The following ZFYVE9 variants were observed in gnomAD, a reference collection of about 807,000 sequenced individuals.
The protein encoded by ZFYVE9 is zinc finger FYVE-type containing 9, also known as zinc finger FYVE domain-containing protein 9.
In ZFYVE9, 43 loss-of-function variants were observed where a neutral mutation model predicts 126.7. The observed-to-expected ratio is 0.34, with a 90% CI of 0.27 to 0.44. The LOEUF (loss-of-function observed/expected upper bound fraction) is 0.44. Ranked by LOEUF, ZFYVE9 falls within the 20% of genes least tolerant of loss-of-function variation. The pLI is 1.00. For missense variants in ZFYVE9, 1,476 were observed against 1,697.0 expected (o/e 0.87, Z 2.29); for synonymous variants, 521 against 597.4 (o/e 0.87, Z 1.87).
intron 10 of ZFYVE9, among the ~76,000 whole-genome samples, chr1:52,282,640 A>G (rs543339223): frequency 1.3e-5 from 2 of 152,220 alleles, no homozygotes; most frequent in Admixed American, 1.3e-4. Context: ...TCTTAATGCA[A>G]TAATTTTCAT....
At chr1:52,206,491 C>T (rs1644978972) in intron 1 of ZFYVE9, among the ~76,000 whole-genome samples, 1 of 152,116 alleles carries the variant, frequency 6.6e-6, no homozygotes, top group African/African-American at 2.4e-5. Flanking sequence ...TTTAGTTTCT[C>T]CAGAGAAACA....
At chr1:52,155,568 G>A (rs1228508642) in intron 1 of ZFYVE9, among the ~76,000 whole-genome samples, 1 of 152,122 alleles carries the variant, frequency 6.6e-6, no homozygotes, top group African/African-American at 2.4e-5. Context: ...TGGCCTTCCT[G>A]CAGAACTCTA....
intron 5 of ZFYVE9, 66 bp downstream of exon 5, chr1:52,263,938 CTT>C: frequency 9.5e-7 from 1 of 1,050,698 alleles, no homozygotes; most frequent in South Asian, 1.7e-5. Flanking sequence ...GATGAGAAGA[CTT>C]TTTTCCCCCT....
chr1:52,281,527 C>T (rs1569662808), intron 9 of ZFYVE9, 134 bp from the exon 10 acceptor site: 1 of 1,005,704 alleles, frequency 9.9e-7, no homozygotes, highest in Non-Finnish European at 1.4e-6. Context: ...TGACAGTTCA[C>T]AGTTGAATTA....
chr1:52,282,950 A>T (rs1012619566), intron 10 of ZFYVE9, among the ~76,000 whole-genome samples: 1 of 152,238 alleles, frequency 6.6e-6, no homozygotes, highest in African/African-American at 2.4e-5. Flanking sequence ...GATTATGCGT[A>T]AAAGATTGTG....
intron 7 of ZFYVE9, among the ~76,000 whole-genome samples, chr1:52,272,596 T>C (rs1190641805): frequency 6.6e-6 from 1 of 152,192 alleles, no homozygotes; most frequent in Non-Finnish European, 1.5e-5. Context: ...ATTTATGTTA[T>C]GTTCTCCTGT....
chr1:52,284,914 A>G (rs1373586488), intron 10 of ZFYVE9, among the ~76,000 whole-genome samples: 1 of 152,222 alleles, frequency 6.6e-6, no homozygotes. Context: ...ATATATATGT[A>G]TATCTAAGGA....
intron 1 of ZFYVE9, among the ~76,000 whole-genome samples, chr1:52,150,584 T>C (rs541038569): frequency 1.3e-5 from 2 of 152,068 alleles, no homozygotes; most frequent in African/African-American, 4.8e-5. Flanking sequence ...CTGGCCAACA[T>C]TGTGAAACCC....
At chr1:52,180,663 A>C (rs911762306) in intron 1 of ZFYVE9, 2 of 421,354 alleles carry the variant, frequency 4.7e-6, no homozygotes, top group Non-Finnish European at 8.7e-6. Flanking sequence ...TTATGTTTCA[A>C]ATCTTTACAT....
chr1:52,248,584 A>G (rs904965094), intron 4 of ZFYVE9, among the ~76,000 whole-genome samples: 27 of 152,308 alleles, frequency 1.8e-4, no homozygotes, highest in African/African-American at 6.0e-4. Context: ...ATCATCACAT[A>G]GTGTGTATCA....
intron 13 of ZFYVE9, among the ~76,000 whole-genome samples, chr1:52,326,693 C>CACA (rs1646294935): frequency 9.7e-6 from 1 of 102,962 alleles, no homozygotes; most frequent in Non-Finnish European, 1.8e-5. Context: ...TACTCAATAC[C>CACA]AAAAAAAAAA....
chr1:52,331,802 C>G (rs577774585), intron 13 of ZFYVE9, among the ~76,000 whole-genome samples: 134 of 140,410 alleles, frequency 9.5e-4, no homozygotes, highest in African/African-American at 3.4e-3. Flanking sequence ...TTTTTTGAGA[C>G]AGAGTCTTGC....
chr1:52,278,827 C>T (rs1047511199), intron 9 of ZFYVE9, among the ~76,000 whole-genome samples: 3 of 151,120 alleles, frequency 2.0e-5, no homozygotes, highest in East Asian at 1.9e-4. Flanking sequence ...CCCGGGTTCA[C>T]GCCATTCTCC....
chr1:52,251,791 A>G (rs942713584), intron 4 of ZFYVE9, among the ~76,000 whole-genome samples: 1 of 152,136 alleles, frequency 6.6e-6, no homozygotes, highest in African/African-American at 2.4e-5. Flanking sequence ...TGTTTGGTAG[A>G]ATTTGCCACC....
intron 4 of ZFYVE9, among the ~76,000 whole-genome samples, chr1:52,260,238 C>T (rs1645565806): frequency 6.6e-6 from 1 of 151,932 alleles, no homozygotes; most frequent in Non-Finnish European, 1.5e-5. Context: ...ATAGTAAAAA[C>T]ATACTATAAA....
chr1:52,206,183 A>G (rs1644976292), intron 1 of ZFYVE9, among the ~76,000 whole-genome samples: 1 of 152,244 alleles, frequency 6.6e-6, no homozygotes, highest in Non-Finnish European at 1.5e-5. Flanking sequence ...TTTCAGGCAT[A>G]GCATAGAAGG....
intron 1 of ZFYVE9, among the ~76,000 whole-genome samples, chr1:52,169,067 T>C (rs1040478366): frequency 3.3e-5 from 5 of 152,160 alleles, no homozygotes; most frequent in Non-Finnish European, 7.3e-5. Context: ...CAGATCTTGA[T>C]GTGACTCAGT....
In ZFYVE9 at chr1:52,191,988, T is replaced by A. The variant is rs114524175; in HGVS notation, c.-142-24381T>A. On this transcript the variant is annotated intron_variant, in intron 1 of 18. Transcript: ENST00000287727. ...GAAAAATATTAAATGGACATGGTCT[T>A]AACAGCATCTAGACAGGCTTAGGAC... is the stretch of plus-strand genomic sequence containing the variant. Among the ~76,000 whole-genome samples, 1,408 of 150,988 alleles carry A rather than the reference T, an allele frequency of 9.3e-3. 31 individuals carry two copies. Among genetic ancestry groups the A allele is most frequent in the African/African-American group, 0.032 (1,339 of 41,306 alleles).
intron 1 of ZFYVE9, among the ~76,000 whole-genome samples, chr1:52,191,761 G>T (rs913580388): frequency 1.3e-5 from 2 of 152,268 alleles, no homozygotes; most frequent in Non-Finnish European, 1.5e-5. Flanking sequence ...GATTTCTCAT[G>T]AAACTGTAAG....
Sources: allele counts gnomAD v4.1 joint callset (sites outside exome capture counted in the v4.1 genomes callset), GRCh38; gene constraint gnomAD v4.1.1; transcripts MANE v1.5; gene names NCBI Gene and HGNC (gene_info 2026-07-23, HGNC 2026-07-21).